PSORS1C1: variants seen among roughly 807,000 people sequenced by gnomAD.
PSORS1C1 encodes psoriasis susceptibility 1 candidate 1.
In PSORS1C1, 7 loss-of-function variants were observed where a neutral mutation model predicts 9.4. The ratio of observed to expected loss-of-function variants is 0.75; its 90% confidence interval spans 0.42 to 1.40. PSORS1C1 has a LOEUF of 1.40. Ranked by LOEUF, PSORS1C1 falls within the 40% of genes most tolerant of loss-of-function variation. The pLI, the probability that PSORS1C1 is intolerant of heterozygous loss-of-function variation, is 0.01. For synonymous variants in PSORS1C1, 63 were observed against 69.4 expected (o/e 0.91, Z 0.46); for missense variants, 146 against 178.1 (o/e 0.82, Z 1.02).
Position 31,139,075 on chromosome 6 carries a change from G to A in PSORS1C1, c.167+296G>A. On this transcript the variant is annotated intron_variant, in intron 5 of 5. Coordinates refer to ENST00000259881, the MANE Select transcript of PSORS1C1 (RefSeq NM_014068.3). The surrounding 1 kb of genome is among the most constrained non-coding windows in gnomAD (Gnocchi z 5.2). ...TGGGGTGGGCTGAGTCTGGGTGCCT[G>A]GGAACCCCAAGAGGCTTTATAGGGG... 6.4e-7 allele frequency: 1 copy of A among 1,551,124 alleles called. No homozygotes were observed. Among genetic ancestry groups the A allele is most frequent in the Non-Finnish European group, 8.9e-7 (1 of 1,123,418 alleles).
rs9501052 is a variant in PSORS1C1, at chr6:31,115,425, G to A, written c.-229+534G>A. On this transcript the variant is annotated intron_variant, in intron 1 of 5. Transcript: ENST00000259881. The surrounding 1 kb of genome is among the most constrained non-coding windows in gnomAD (Gnocchi z 4.2). ...AGGAAGGGGCTGAGATAAGGGCCTT[G>A]AGAGGCAATGGGTGTGTTGGGGACG... 0.019 allele frequency: 3,298 copies of A among 170,258 alleles called. 106 individuals are homozygous for A. Among genetic ancestry groups the A allele is most frequent in the African/African-American group, 0.073 (3,035 of 41,650 alleles). The allele number at this position is 170,258 out of a possible 1,614,324, so 10.5% of individuals were successfully genotyped here. A position where few individuals can be genotyped will look rare whatever the true frequency, so the allele number is the denominator to read the frequency against.
chr6:31,126,208 T>C (rs1772673711), intron 2 of PSORS1C1, among the ~76,000 whole-genome samples: 1 of 152,212 alleles, frequency 6.6e-6, no homozygotes, highest in Admixed American at 6.5e-5. Flanking sequence ...TTCTCTCTAT[T>C]GGATTAGCTC....
chr6:31,137,969 G>C (rs2150978360), intron 3 of PSORS1C1: 1 of 1,498,634 alleles, frequency 6.7e-7, no homozygotes, highest in Middle Eastern at 2.1e-4. Context: ...ACTCTTCCCG[G>C]GGTGGGTCTA....
intron 1 of PSORS1C1, among the ~76,000 whole-genome samples, chr6:31,120,146 C>T (rs1012230037): frequency 8.5e-5 from 13 of 152,160 alleles, no homozygotes; most frequent in South Asian, 6.2e-4. Context: ...TGTCATTAAC[C>T]CCACTTCAGA....
Position 31,139,872 on chromosome 6 carries a change from A to G in PSORS1C1, c.399A>G (p.Pro133=). The G allele has an allele frequency of 2.5e-6, 4 of 1,612,956 alleles. No homozygotes were observed. Among genetic ancestry groups the G allele is most frequent in the Non-Finnish European group, 3.4e-6 (4 of 1,179,970 alleles). ...IHLSASRTLA[P]TLLYSSPPSH... ...TATCCGCCTCTAGGACCTTGGCTCC[A>G]ACTCTATTGTACTCGTCTCCTCCCT... Residue 133 remains proline, a synonymous_variant, in exon 6 of 6, where the codon CCA becomes CCG. Coordinates refer to ENST00000259881, the MANE Select transcript of PSORS1C1 (RefSeq NM_014068.3). The surrounding 1 kb of genome is among the most constrained non-coding windows in gnomAD (Gnocchi z 5.2).
chr6:31,138,429 G>C lies in PSORS1C1; in HGVS notation c.14-1G>C. On this transcript the variant is annotated splice_acceptor_variant, in intron 3 of 5. Transcript: ENST00000259881. LOFTEE classifies it high-confidence loss of function. Reference sequence around the variant, plus strand: ...CGCAGCCTGAACTGACCCACAAACAGACCAAAAAAGTCACTCTCAAAGAGC... The same window carrying C: ...CGCAGCCTGAACTGACCCACAAACACACCAAAAAAGTCACTCTCAAAGAGC... 2.5e-6 allele frequency: 4 copies of C among 1,602,172 alleles called. No individual in the cohort carries two copies. Among genetic ancestry groups the C allele is most frequent in the Non-Finnish European group, 3.4e-6 (4 of 1,174,658 alleles).
Position 31,140,034 on chromosome 6 carries a change from TC to T in PSORS1C1, c.*105del. 8.6e-7 allele frequency: 1 copy of T among 1,167,754 alleles called. No individual in the cohort carries two copies. Among genetic ancestry groups the T allele is most frequent in the Non-Finnish European group, 1.2e-6 (1 of 810,242 alleles). 72.3% of individuals were successfully genotyped at this position (1,167,754 alleles called of 1,614,324 possible). ...CATGTCCAAAATAAAATTTGATTCC[TC>T]CCAGGTTGTTCCCTGCCTGGTCCGC... is the stretch of plus-strand genomic sequence containing the variant. On this transcript the variant is annotated 3_prime_UTR_variant, in exon 6 of 6. Coordinates refer to ENST00000259881, the MANE Select transcript of PSORS1C1 (RefSeq NM_014068.3). The surrounding 1 kb of genome is among the most constrained non-coding windows in gnomAD (Gnocchi z 4.6).
At chr6:31,134,659 G>A (rs1773071402) in intron 3 of PSORS1C1, among the ~76,000 whole-genome samples, 1 of 152,050 alleles carries the variant, frequency 6.6e-6, no homozygotes, top group African/African-American at 2.4e-5. Context: ...GGTTCTAAGT[G>A]GTGAAATTTA....
At chr6:31,135,762 C>T (rs555897382) in intron 3 of PSORS1C1, among the ~76,000 whole-genome samples, 10 of 152,234 alleles carry the variant, frequency 6.6e-5, no homozygotes, top group East Asian at 1.9e-4. Flanking sequence ...GTTGGTCAGG[C>T]GCGGTGGCTC....
At position 31,128,202 on chromosome 6, in the gene PSORS1C1, G is replaced by A. The variant is rs569570651; in HGVS notation, c.-64-1367G>A. Among the ~76,000 whole-genome samples the A allele has an allele frequency of 6.6e-6, 1 of 152,330 alleles. No individual in the cohort carries two copies. The highest frequency in any genetic ancestry group is 2.4e-5 in the African/African-American group (1 of 41,576). The stretch of plus-strand genomic sequence containing the variant: ...GGCTAAAGGGACACCTGTGTGCCTT[G>A]ATGGTGGACCCAGGGAGTGGATGAC... On this transcript the variant is annotated intron_variant, in intron 2 of 5. Coordinates refer to ENST00000259881, the MANE Select transcript of PSORS1C1 (RefSeq NM_014068.3). The surrounding 1 kb of genome is among the most constrained non-coding windows in gnomAD (Gnocchi z 4.3).
chr6:31,119,178 T>C (rs1188780000), intron 1 of PSORS1C1, among the ~76,000 whole-genome samples: 1 of 152,118 alleles, frequency 6.6e-6, no homozygotes, highest in African/African-American at 2.4e-5. Context: ...TTATATATTA[T>C]GAATTATTAC....
chr6:31,139,693 A>C lies in PSORS1C1; in HGVS notation c.220A>C (p.Thr74Pro). 6.2e-7 allele frequency: 1 copy of C among 1,613,016 alleles called. No individual in the cohort carries two copies. Among genetic ancestry groups the C allele is most frequent in the Non-Finnish European group, 8.5e-7 (1 of 1,180,014 alleles). ...MISKEFHLAA[T>P]QDDCRKGRTQ... ...ATCCAAGGAATTCCATCTGGCAGCC[A>C]CCCAGGATGACTGCAGAAAAGGAAG... The change falls in exon 6 of 6, where the codon ACC becomes CCC. Residue 74 changes from threonine (T) to proline (P), a missense_variant. Transcript: ENST00000259881. This position sits in a 1 kb window ranked among gnomAD's most constrained non-coding sequence, Gnocchi z 5.2.
intron 1 of PSORS1C1, chr6:31,116,490 A>G: frequency 1.2e-6 from 2 of 1,607,912 alleles, no homozygotes; most frequent in Non-Finnish European, 1.7e-6. Flanking sequence ...GCTGGACCCC[A>G]CCAGTCCCCA....
rs377342864 is a variant in PSORS1C1, at chr6:31,115,978, T to A, written c.-229+1087T>A. 2.0e-6 allele frequency: 3 copies of A among 1,521,688 alleles called. No individual in the cohort carries two copies. Among genetic ancestry groups the A allele is most frequent in the Non-Finnish European group, 9.1e-7 (1 of 1,099,704 alleles). 94.3% of individuals were successfully genotyped at this position (1,521,688 alleles called of 1,614,324 possible). A position where few individuals can be genotyped will look rare whatever the true frequency, so the allele number is the denominator to read the frequency against. On this transcript the variant is annotated intron_variant, in intron 1 of 5. Transcript: ENST00000259881. The surrounding 1 kb of genome is among the most constrained non-coding windows in gnomAD (Gnocchi z 4.2). ...CTTCTCCCATATGGGATATAGTGTA[T>A]GTGCTTGTTTGTGCCCAAGGCATGC...
Position 31,117,449 on chromosome 6 carries a change from G to A in PSORS1C1, c.-229+2558G>A, listed in dbSNP as rs7742033. ...CCGCTGGAGTCACCCTTCCCAGTGA[G>A]GCAGGGGTCGTTAGGGGAGGTGATA... On this transcript the variant is annotated intron_variant, in intron 1 of 5. Transcript: ENST00000259881. 20,337 of 1,557,208 alleles carry A rather than the reference G, an allele frequency of 0.013. 341 individuals are homozygous for A. Among genetic ancestry groups the A allele is most frequent in the Middle Eastern group, 0.091 (545 of 5,994 alleles).
chr6:31,117,228 G>A (rs534601426), intron 1 of PSORS1C1: 24 of 1,613,420 alleles, frequency 1.5e-5, no homozygotes, highest in Non-Finnish European at 1.9e-5. Context: ...GGGAGGAACC[G>A]GATGCACCTT....
At chr6:31,135,753 T>C (rs1773110293) in intron 3 of PSORS1C1, among the ~76,000 whole-genome samples, 1 of 152,134 alleles carries the variant, frequency 6.6e-6, no homozygotes, top group African/African-American at 2.4e-5. Context: ...ACATAAAAAG[T>C]TGGTCAGGCG....
chr6:31,116,813 C>T (rs936791371), intron 1 of PSORS1C1: 3 of 1,614,018 alleles, frequency 1.9e-6, no homozygotes, highest in Non-Finnish European at 2.5e-6. Context: ...GGACCTTGAA[C>T]CACTCCAGGG....
Position 31,115,102 on chromosome 6 carries a change from A to AAAT in PSORS1C1, c.-229+213_-229+215dup, listed in dbSNP as rs1164186145. The AAAT allele has an allele frequency of 2.8e-6, 1 of 356,576 alleles. No homozygotes were observed. Among genetic ancestry groups the AAAT allele is most frequent in the Non-Finnish European group, 5.5e-6 (1 of 182,540 alleles). 22.1% of individuals were successfully genotyped at this position (356,576 alleles called of 1,614,324 possible). On this transcript the variant is annotated intron_variant, in intron 1 of 5. Transcript: ENST00000259881. The surrounding 1 kb of genome is among the most constrained non-coding windows in gnomAD (Gnocchi z 4.2). ...AGGCAATCTCTGCTTTCAGTTCAAC[A>AAAT]AATATTTATTGTCTTCCTCCTCTGT...
Sources: gnomAD v4.1 joint callset for allele counts (sites outside exome capture counted in the v4.1 genomes callset) on GRCh38, gnomAD v4.1.1 for gene constraint, Gnocchi (gnomAD v3.1) non-coding constraint, MANE v1.5 for transcripts, NCBI Gene and HGNC (gene_info 2026-07-23, HGNC 2026-07-21) for gene names.